The following KIAA1328 variants were observed in gnomAD, a reference collection of about 807,000 sequenced individuals.
KIAA1328 encodes protein hinderin.
KIAA1328 carries 52 observed loss-of-function variants against 68.1 expected under a neutral mutation model. That is an observed-to-expected ratio of 0.76 (90% confidence interval 0.61 to 0.96). The LOEUF (loss-of-function observed/expected upper bound fraction) is 0.96. KIAA1328 is among the 40% of genes least tolerant of loss of function. The pLI, the probability that KIAA1328 is intolerant of heterozygous loss-of-function variation, is 0.00. For synonymous variants in KIAA1328, 232 were observed against 239.4 expected (o/e 0.97, Z 0.28); for missense variants, 641 against 677.6 (o/e 0.95, Z 0.60).
At chr18:37,098,285 C>G (rs1276313514) in intron 7 of KIAA1328, among the ~76,000 whole-genome samples, 1 of 151,994 alleles carries the variant, frequency 6.6e-6, no homozygotes, top group Non-Finnish European at 1.5e-5. Context: ...TAGCATGAAG[C>G]CTTGTTGAAT....
chr18:37,185,809 C>G (rs565792057), intron 9 of KIAA1328, among the ~76,000 whole-genome samples: 3 of 151,614 alleles, frequency 2.0e-5, no homozygotes, highest in Non-Finnish European at 4.4e-5. Flanking sequence ...GCCCTCCCCC[C>G]CAAAAAAAAA....
At chr18:36,946,018 G>T (rs965652899) in intron 5 of KIAA1328, among the ~76,000 whole-genome samples, 2 of 152,140 alleles carry the variant, frequency 1.3e-5, no homozygotes, top group African/African-American at 4.8e-5. Flanking sequence ...ATGCTGCAAT[G>T]AGCATTTCTT....
At chr18:37,109,326 T>C (rs1568417223) in intron 7 of KIAA1328, among the ~76,000 whole-genome samples, 1 of 152,238 alleles carries the variant, frequency 6.6e-6, no homozygotes, top group Non-Finnish European at 1.5e-5. Flanking sequence ...AAACATCATT[T>C]GTTAATTGTA....
chr18:37,127,838 A>C (rs112867062), intron 7 of KIAA1328, among the ~76,000 whole-genome samples: 36 of 152,318 alleles, frequency 2.4e-4, no homozygotes, highest in African/African-American at 8.7e-4. Flanking sequence ...TGCAGTAATA[A>C]AGTTCAGTAC....
chr18:36,873,206 C>A (rs1308113404), intron 4 of KIAA1328, among the ~76,000 whole-genome samples: 1 of 152,060 alleles, frequency 6.6e-6, no homozygotes, highest in Admixed American at 6.6e-5. Context: ...ACTATAAGCA[C>A]CAAAAAGAAA....
chr18:37,219,444 A>G (rs1264934448), intron 9 of KIAA1328, among the ~76,000 whole-genome samples: 2 of 152,340 alleles, frequency 1.3e-5, no homozygotes, highest in African/African-American at 2.4e-5. Flanking sequence ...TGGAGTCTAC[A>G]GAGGCAGGCA....
chr18:37,088,385 T>G (rs2057167994), intron 7 of KIAA1328, among the ~76,000 whole-genome samples: 1 of 152,184 alleles, frequency 6.6e-6, no homozygotes, highest in African/African-American at 2.4e-5. Flanking sequence ...AAACCATATT[T>G]GGCAATTTAG....
At chr18:37,228,973 T>G (rs2060652857), downstream of KIAA1328, among the ~76,000 whole-genome samples, 1 of 152,240 alleles carries the variant, frequency 6.6e-6, no homozygotes, top group Non-Finnish European at 1.5e-5. Flanking sequence ...GGACTACAGT[T>G]GTGTGAACAT....
At chr18:37,102,668 G>A (rs2057657824) in intron 7 of KIAA1328, among the ~76,000 whole-genome samples, 1 of 152,112 alleles carries the variant, frequency 6.6e-6, no homozygotes, top group South Asian at 2.1e-4. Flanking sequence ...AAACCTGGAA[G>A]AAAACAAGGA....
chr18:37,166,004 T>C (rs1252754851), intron 8 of KIAA1328, among the ~76,000 whole-genome samples: 1 of 151,952 alleles, frequency 6.6e-6, no homozygotes, highest in African/African-American at 2.4e-5. Flanking sequence ...GGTAGTTTAA[T>C]GATTACACTG....
At chr18:37,200,374 G>A (rs1365104030) in intron 9 of KIAA1328, among the ~76,000 whole-genome samples, 4 of 152,106 alleles carry the variant, frequency 2.6e-5, no homozygotes, top group Non-Finnish European at 2.9e-5. Flanking sequence ...TGTTAGTTAT[G>A]GTATCCAGTG....
At chr18:37,136,136 T>C (rs1349950060) in intron 7 of KIAA1328, among the ~76,000 whole-genome samples, 2 of 152,206 alleles carry the variant, frequency 1.3e-5, no homozygotes, top group Non-Finnish European at 2.9e-5. Flanking sequence ...GAACCACTGC[T>C]TTTGAGATAG....
At chr18:37,027,762 A>T (rs113577730) in intron 6 of KIAA1328, among the ~76,000 whole-genome samples, 26,717 of 151,988 alleles carry the variant, frequency 0.18, 2,971 homozygotes, top group Non-Finnish European at 0.25. Flanking sequence ...AACCATAAAA[A>T]CCCTAGAAGA....
chr18:37,039,035 A>C (rs989801762), intron 6 of KIAA1328, among the ~76,000 whole-genome samples: 2 of 152,158 alleles, frequency 1.3e-5, no homozygotes, highest in African/African-American at 4.8e-5. Flanking sequence ...TTTGACAATA[A>C]ACCAACCTTA....
chr18:37,143,515 T>C (rs2058821137), intron 7 of KIAA1328, among the ~76,000 whole-genome samples: 1 of 137,932 alleles, frequency 7.2e-6, no homozygotes, highest in African/African-American at 2.8e-5. Flanking sequence ...ATGCCTTTTT[T>C]TCTTTCTTTT....
intron 6 of KIAA1328, among the ~76,000 whole-genome samples, chr18:37,022,650 A>G (rs2054391557): frequency 6.6e-6 from 1 of 152,200 alleles, no homozygotes; most frequent in Non-Finnish European, 1.5e-5. Context: ...TTTGCTTCAT[A>G]CATTGTATTT....
At chr18:37,145,523 T>C (rs1333239739) in intron 7 of KIAA1328, among the ~76,000 whole-genome samples, 1 of 152,182 alleles carries the variant, frequency 6.6e-6, no homozygotes, top group Non-Finnish European at 1.5e-5. Context: ...GGTTTATTTT[T>C]TGGTACTATC....
At chr18:36,882,359 C>T (rs1044587743) in intron 4 of KIAA1328, among the ~76,000 whole-genome samples, 1 of 152,080 alleles carries the variant, frequency 6.6e-6, no homozygotes, top group Non-Finnish European at 1.5e-5. Context: ...GTTACATATA[C>T]TTCATTGGAA....
At chr18:36,912,245 A>G (rs763721204) in intron 5 of KIAA1328, among the ~76,000 whole-genome samples, 24 of 152,204 alleles carry the variant, frequency 1.6e-4, no homozygotes, top group Middle Eastern at 6.8e-3. Flanking sequence ...ATCAATCTCA[A>G]TGGGTTAAAA....
Sources: allele counts gnomAD v4.1 joint callset (sites outside exome capture counted in the v4.1 genomes callset), GRCh38; gene constraint gnomAD v4.1.1; transcripts MANE v1.5; gene names NCBI Gene and HGNC (gene_info 2026-07-23, HGNC 2026-07-21).